Variants in AGBL4 observed in about 807,000 individuals in gnomAD.
AGBL4 encodes the protein AGBL carboxypeptidase 4.
AGBL4 carries 58 observed loss-of-function variants against 66.4 expected under a neutral mutation model. The ratio of observed to expected loss-of-function variants is 0.87; its 90% CI spans 0.71 to 1.09. AGBL4 has a LOEUF of 1.09. Ranked by LOEUF, AGBL4 falls within the 50% of genes least tolerant of loss-of-function variation. The pLI is 0.00. For synonymous variants in AGBL4, 234 were observed against 222.9 expected, an observed-to-expected ratio of 1.05 and a Z score of -0.44; for missense variants, 579 against 631.0, an observed-to-expected ratio of 0.92 and a Z score of 0.88.
intron 3 of AGBL4, among the ~76,000 whole-genome samples, chr1:49,641,374 A>G (rs1350209424): frequency 1.3e-5 from 2 of 152,112 alleles, no homozygotes; most frequent in East Asian, 3.9e-4. Context: ...GGGTTTGTAC[A>G]GTCATTCTCA....
At chr1:49,568,487 TCACACACACACA>T (rs71059555) in intron 3 of AGBL4, among the ~76,000 whole-genome samples, 32 of 131,284 alleles carry the variant, frequency 2.4e-4, no homozygotes, top group Non-Finnish European at 4.3e-4. Flanking sequence ...AAATAAGTGA[TCACACACACACA>T]CACACACACA....
chr1:50,008,847 G>A (rs975148057), intron 1 of AGBL4, among the ~76,000 whole-genome samples: 3 of 151,992 alleles, frequency 2.0e-5, no homozygotes, highest in Non-Finnish European at 4.4e-5. Flanking sequence ...GATATTCAAA[G>A]GATCATTAGA....
At position 49,063,019 on chromosome 1, in the gene AGBL4, A is replaced by G. The variant is rs562103806; in HGVS notation, c.378-17219T>C. 3.9e-5 allele frequency among the ~76,000 whole-genome samples: 6 copies of G among 152,342 alleles called. No individual in the cohort carries two copies. The South Asian group carries it at 1.2e-3, about 32-fold the overall frequency. On this transcript the variant is annotated intron_variant, in intron 4 of 13. Transcript: ENST00000371839. The stretch of plus-strand genomic sequence containing the variant: ...TAGGGTTATTATGTTAATTAAAATA[A>G]TAACATGGACTCAGTAAAGAGCTTT...
intron 3 of AGBL4, among the ~76,000 whole-genome samples, chr1:49,261,506 A>G (rs1337404146): frequency 3.3e-5 from 5 of 149,666 alleles, no homozygotes; most frequent in Non-Finnish European, 7.5e-5. Flanking sequence ...GCATTCTTAT[A>G]CACCAATAAC....
At position 48,534,259 on chromosome 1, in the gene AGBL4, G is replaced by C. The variant is rs780618320; in HGVS notation, c.1426C>G (p.Leu476Val). ...EKSPPYKHPLLRGPASNYPNS... is the reference protein window; with the variant it reads ...EKSPPYKHPLVRGPASNYPNS... ...GGGTAGTTGCTGGCTGGGCCCCGCA[G>C]GAGTGGGTGCTTGTAAGGAGGGGAT... is the stretch of plus-strand genomic sequence containing the variant. The change falls in exon 14 of 14, where the codon CTG (leucine) becomes GTG (valine). Residue 476 changes from leucine (L) to valine (V), a missense_variant. By Grantham distance (32) the Leu-to-Val change is conservative. Coordinates refer to ENST00000371839, the MANE Select transcript of AGBL4 (RefSeq NM_032785.4). The C allele has an allele frequency of 6.4e-7, 1 of 1,551,598 alleles. No individual in the cohort carries two copies.
At chr1:49,149,602 C>T (rs946309465) in intron 4 of AGBL4, among the ~76,000 whole-genome samples, 34 of 152,260 alleles carry the variant, frequency 2.2e-4, no homozygotes, top group African/African-American at 8.2e-4. Flanking sequence ...TTAACATAAC[C>T]AGCAAATAAA....
intron 5 of AGBL4, among the ~76,000 whole-genome samples, chr1:49,014,457 A>G (rs1453611509): frequency 1.3e-5 from 2 of 152,178 alleles, no homozygotes; most frequent in Non-Finnish European, 2.9e-5. Flanking sequence ...CTTTTATAAC[A>G]TGAAAATAAT....
intron 2 of AGBL4, among the ~76,000 whole-genome samples, chr1:49,727,663 G>A (rs1304001539): frequency 6.6e-6 from 1 of 152,074 alleles, no homozygotes; most frequent in Non-Finnish European, 1.5e-5. Context: ...CATTGACATT[G>A]CTGATTCAGT....
chr1:48,898,979 T>C (rs997089162), intron 5 of AGBL4, among the ~76,000 whole-genome samples: 17 of 152,180 alleles, frequency 1.1e-4, no homozygotes, highest in Non-Finnish European at 1.5e-5. Flanking sequence ...GCTATCTGTC[T>C]CTCCCCGACC....
chr1:48,542,865 G>A (rs1557773529), intron 11 of AGBL4, among the ~76,000 whole-genome samples: 1 of 152,144 alleles, frequency 6.6e-6, no homozygotes, highest in Non-Finnish European at 1.5e-5. Context: ...TGTCAACTTT[G>A]GCTTTTGTTG....
At chr1:49,248,652 TTACA>T (rs1474395009) in intron 3 of AGBL4, among the ~76,000 whole-genome samples, 1 of 152,100 alleles carries the variant, frequency 6.6e-6, no homozygotes, top group Non-Finnish European at 1.5e-5. Context: ...TGGACATTGT[TTACA>T]TCCAAAATTG....
intron 4 of AGBL4, among the ~76,000 whole-genome samples, chr1:49,131,658 T>C (rs1042540422): frequency 2.5e-4 from 38 of 152,014 alleles, no homozygotes; most frequent in Non-Finnish European, 1.0e-4. Context: ...AAGAATGGAA[T>C]GTTTAAAAAC....
chr1:49,391,205 A>C (rs1262615815), intron 3 of AGBL4, among the ~76,000 whole-genome samples: 1 of 152,190 alleles, frequency 6.6e-6, no homozygotes, highest in Non-Finnish European at 1.5e-5. Context: ...ATGAAGAAGG[A>C]GGCACAGGCA....
At chr1:49,419,599 C>T (rs1429773747) in intron 3 of AGBL4, among the ~76,000 whole-genome samples, 2 of 152,148 alleles carry the variant, frequency 1.3e-5, no homozygotes, top group African/African-American at 4.8e-5. Flanking sequence ...CTCAAGTAGT[C>T]CCATTGGGAG....
At chr1:49,336,394 C>A (rs537809338) in intron 3 of AGBL4, among the ~76,000 whole-genome samples, 4 of 152,190 alleles carry the variant, frequency 2.6e-5, no homozygotes, top group Non-Finnish European at 5.9e-5. Context: ...GAGCAATCTG[C>A]TTTACTAAGT....
chr1:48,556,997 C>T (rs1381672408), intron 11 of AGBL4, among the ~76,000 whole-genome samples: 1 of 151,960 alleles, frequency 6.6e-6, no homozygotes, highest in Non-Finnish European at 1.5e-5. Context: ...ACTATGTTGC[C>T]CAGGGTGGTC....
rs951861471 is a variant in AGBL4, at chr1:49,542,630, T to C, written c.282+154683A>G. Among the ~76,000 whole-genome samples the C allele has an allele frequency of 3.3e-5, 5 of 152,192 alleles. No individual in the cohort carries two copies. The East Asian group carries it at 9.7e-4, about 29-fold the overall frequency. On this transcript the variant is annotated intron_variant, in intron 3 of 13. Transcript: ENST00000371839. ...AAACCTAACTTGTCCGGGTGTGGTGTGTCACACCTATAATTCCAGCACTTT... is the reference window on the plus strand; with the variant it reads ...AAACCTAACTTGTCCGGGTGTGGTGCGTCACACCTATAATTCCAGCACTTT...
Position 49,866,968 on chromosome 1 carries a change from G to A in AGBL4, c.35-15450C>T, listed in dbSNP as rs975204793. On this transcript the variant is annotated intron_variant, in intron 1 of 13. Transcript: ENST00000371839. ...GTAAGCCTGAGGACATTTTAATCTC[G>A]TCCTTTCTGTTTACGTGAGGGTCTG... Among the ~76,000 whole-genome samples, 80 of 151,996 alleles carry A rather than the reference G, an allele frequency of 5.3e-4. 1 individual carries two copies. The highest frequency in any genetic ancestry group is 1.7e-3 in the African/African-American group (69 of 41,484).
intron 3 of AGBL4, among the ~76,000 whole-genome samples, chr1:49,648,647 A>G (rs1226603927): frequency 6.6e-6 from 1 of 152,086 alleles, no homozygotes; most frequent in Non-Finnish European, 1.5e-5. Flanking sequence ...AGGGGTAAGT[A>G]AAAATAAGAA....
Sources: allele counts gnomAD v4.1 joint callset (sites outside exome capture counted in the v4.1 genomes callset), GRCh38; gene constraint gnomAD v4.1.1; transcripts MANE v1.5; gene names NCBI Gene and HGNC (gene_info 2026-07-23, HGNC 2026-07-21).